PCDH15: variants seen among roughly 807,000 people sequenced by gnomAD.
PCDH15 encodes protocadherin-15.
Under a neutral mutation model 178.5 loss-of-function variants are expected in PCDH15, and 129 were observed. The ratio of observed to expected loss-of-function variants is 0.72; its 90% CI spans 0.63 to 0.84. The LOEUF (loss-of-function observed/expected upper bound fraction) is 0.84. Among genes scored for constraint, PCDH15 ranks in the 40% least tolerant of loss-of-function variants. The pLI is 0.00. For synonymous variants in PCDH15, 800 were observed against 732.0 expected (o/e 1.09, Z -1.50); for missense variants, 2,230 against 2,099.9 (o/e 1.06, Z -1.21).
At chr10:55,511,993 A>G (rs1233559473) in intron 2 of PCDH15, among the ~76,000 whole-genome samples, 1 of 152,032 alleles carries the variant, frequency 6.6e-6, no homozygotes, top group Non-Finnish European at 1.5e-5. Context: ...TAGTGTTCTT[A>G]TTAATGCCTA....
intron 2 of PCDH15, among the ~76,000 whole-genome samples, chr10:55,359,426 C>A (rs1361433756): frequency 6.6e-6 from 1 of 151,628 alleles, no homozygotes; most frequent in Admixed American, 6.6e-5. Context: ...TTTATATGTG[C>A]TGCCAAAGCA....
chr10:54,168,924 T>C (rs1006392612), intron 13 of PCDH15, among the ~76,000 whole-genome samples: 4 of 151,856 alleles, frequency 2.6e-5, no homozygotes, highest in Non-Finnish European at 5.9e-5. Context: ...TTGCCTCCAC[T>C]GTGAGACAAA....
chr10:54,846,645 T>A (rs528577202), intron 3 of PCDH15, among the ~76,000 whole-genome samples: 2 of 152,258 alleles, frequency 1.3e-5, no homozygotes, highest in Non-Finnish European at 2.9e-5. Context: ...CTTCTTTTTT[T>A]AAAATAGGAA....
At chr10:54,535,617 G>A (rs1008400578) in intron 2 of PCDH15, among the ~76,000 whole-genome samples, 3 of 149,626 alleles carry the variant, frequency 2.0e-5, no homozygotes, top group African/African-American at 7.4e-5. Context: ...GGCTGAGGCA[G>A]GAGAATGGCA....
At chr10:54,160,362 A>G (rs1340623455) in intron 13 of PCDH15, among the ~76,000 whole-genome samples, 1 of 152,214 alleles carries the variant, frequency 6.6e-6, no homozygotes, top group Non-Finnish European at 1.5e-5. Context: ...CAAGGGAAGA[A>G]TACTGTAAAA....
intron 2 of PCDH15, among the ~76,000 whole-genome samples, chr10:54,978,103 T>A (rs1839123346): frequency 6.6e-6 from 1 of 152,166 alleles, no homozygotes; most frequent in Non-Finnish European, 1.5e-5. Flanking sequence ...TGTATATTGA[T>A]GACAAAATAT....
intron 18 of PCDH15, among the ~76,000 whole-genome samples, chr10:54,044,899 A>G (rs1052021928): frequency 2.6e-5 from 4 of 152,156 alleles, no homozygotes; most frequent in African/African-American, 9.7e-5. Flanking sequence ...GAGGACACTG[A>G]CTATTCTGAC....
At chr10:54,413,968 C>T (rs748942479) in intron 3 of PCDH15, among the ~76,000 whole-genome samples, 4 of 151,992 alleles carry the variant, frequency 2.6e-5, no homozygotes, top group Non-Finnish European at 4.4e-5. Context: ...GTAATCATCA[C>T]CCAAATCATT....
intron 3 of PCDH15, among the ~76,000 whole-genome samples, chr10:54,385,916 T>C (rs1949862469): frequency 6.6e-6 from 1 of 152,188 alleles, no homozygotes; most frequent in Non-Finnish European, 1.5e-5. Context: ...CTAATAATCA[T>C]TGCATAAATG....
At chr10:54,731,007 T>C (rs1943255376) in intron 1 of PCDH15, among the ~76,000 whole-genome samples, 1 of 151,306 alleles carries the variant, frequency 6.6e-6, no homozygotes, top group South Asian at 2.1e-4. Flanking sequence ...TTGCAAACTA[T>C]CCACCTGGCA....
intron 8 of PCDH15, among the ~76,000 whole-genome samples, chr10:54,247,364 A>G (rs776522138): frequency 1.1e-4 from 16 of 152,032 alleles, no homozygotes; most frequent in Middle Eastern, 3.2e-3. Flanking sequence ...AGGACCAGAC[A>G]GTACATATGG....
intron 2 of PCDH15, among the ~76,000 whole-genome samples, chr10:54,570,723 T>C (rs1248687530): frequency 6.6e-6 from 1 of 152,026 alleles, no homozygotes; most frequent in African/African-American, 2.4e-5. Context: ...CGTGATCTCC[T>C]CTCACTGCAA....
At chr10:55,339,116 A>G (rs7095869) in intron 2 of PCDH15, among the ~76,000 whole-genome samples, 26,420 of 152,078 alleles carry the variant, frequency 0.17, 2,452 homozygotes, top group East Asian at 0.29. Flanking sequence ...TCTATTATGT[A>G]TTTTAAAATA....
At chr10:54,462,155 A>C (rs963680362) in intron 3 of PCDH15, among the ~76,000 whole-genome samples, 6 of 152,120 alleles carry the variant, frequency 3.9e-5, no homozygotes, top group Non-Finnish European at 8.8e-5. Context: ...ATTTTTCAGA[A>C]TCTGAGAAGT....
At chr10:54,774,144 T>C (rs1262846138) in intron 1 of PCDH15, among the ~76,000 whole-genome samples, 1 of 148,422 alleles carries the variant, frequency 6.7e-6, no homozygotes, top group Non-Finnish European at 1.5e-5. Flanking sequence ...CTCTCCTGCC[T>C]CAACCTCCCG....
chr10:53,951,281 G>A (rs1451440375), intron 23 of PCDH15, among the ~76,000 whole-genome samples: 5 of 152,254 alleles, frequency 3.3e-5, no homozygotes, highest in Admixed American at 3.3e-4. Flanking sequence ...ATATTTCTGT[G>A]TAATAGGGAT....
At chr10:55,340,082 A>C (rs1298468688) in intron 2 of PCDH15, among the ~76,000 whole-genome samples, 4 of 151,692 alleles carry the variant, frequency 2.6e-5, no homozygotes, top group Non-Finnish European at 5.9e-5. Context: ...TAGTATTAAG[A>C]AGTTAATATT....
intron 2 of PCDH15, among the ~76,000 whole-genome samples, chr10:54,566,123 T>C (rs1367870465): frequency 2.6e-5 from 4 of 152,154 alleles, no homozygotes; most frequent in Non-Finnish European, 5.9e-5. Context: ...AAATGGATTG[T>C]GAAGATTTGA....
At chr10:54,666,521 C>G (rs1000227730) in intron 1 of PCDH15, among the ~76,000 whole-genome samples, 1 of 151,972 alleles carries the variant, frequency 6.6e-6, no homozygotes, top group Non-Finnish European at 1.5e-5. Flanking sequence ...ATTCTAACCC[C>G]CTTCACAAAG....
Sources: allele counts gnomAD v4.1 joint callset (sites outside exome capture counted in the v4.1 genomes callset), GRCh38; gene constraint gnomAD v4.1.1; transcripts MANE v1.5; gene names NCBI Gene and HGNC (gene_info 2026-07-23, HGNC 2026-07-21).